ATXN2: variants seen among roughly 807,000 people sequenced by gnomAD.
ATXN2 encodes the protein ataxin 2.
Under a neutral mutation model 138.6 loss-of-function variants are expected in ATXN2, and 37 were observed. The ratio of observed to expected loss-of-function variants is 0.27; its 90% confidence interval spans 0.21 to 0.35. ATXN2 has a LOEUF of 0.35. Ranked by LOEUF, ATXN2 falls within the 10% of genes least tolerant of loss-of-function variation. The pLI is 1.00. For missense variants in ATXN2, 1,216 were observed against 1,480.3 expected (o/e 0.82, Z 2.93); for synonymous variants, 549 against 543.7 (o/e 1.01, Z -0.13).
At chr12:111,579,846 C>T (rs748365841) in intron 1 of ATXN2, among the ~76,000 whole-genome samples, 5 of 151,510 alleles carry the variant, frequency 3.3e-5, no homozygotes, top group Admixed American at 2.0e-4. Flanking sequence ...ATTACAGGAG[C>T]GCGCCACCGT....
At chr12:111,515,882 G>C (rs1470717849) in intron 10 of ATXN2, among the ~76,000 whole-genome samples, 1 of 152,192 alleles carries the variant, frequency 6.6e-6, no homozygotes, top group Non-Finnish European at 1.5e-5. Flanking sequence ...AGGCTGTGGG[G>C]CAGACCCTTC....
Position 111,526,297 on chromosome 12 carries a change from A to G in ATXN2, c.572-981T>C, listed in dbSNP as rs533815996. ...TTTGAACCCGGGAGGTGGAGGTTGC[A>G]ATGAATGGAGATCACGCCACTGTGC... On this transcript the variant is annotated intron_variant, in intron 5 of 24. Transcript: ENST00000673436. Among the ~76,000 whole-genome samples the G allele has an allele frequency of 3.0e-3, 458 of 151,974 alleles. 1 individual carries two copies. The highest frequency in any genetic ancestry group is 5.2e-3 in the Non-Finnish European group (355 of 67,950).
At chr12:111,547,834 G>GA (rs1168277498) in intron 5 of ATXN2, among the ~76,000 whole-genome samples, 1 of 130,654 alleles carries the variant, frequency 7.7e-6, no homozygotes, top group Non-Finnish European at 1.6e-5. Context: ...TATTGCTTGA[G>GA]AATTTTTTTT....
rs1566090879 is a variant in ATXN2 at position 111,598,953 on chromosome 12, G to A, written c.82C>T (p.Gln28Ter). ...QQQQQQQQQQ[Q>*]PPPAAANVRK... ...ACATTGGCAGCCGCGGGCGGCGGCTGCTGCTGCTGCTGCTGCTGCTGCTGT... is the reference window on the plus strand; with the variant it reads ...ACATTGGCAGCCGCGGGCGGCGGCTACTGCTGCTGCTGCTGCTGCTGCTGT... The change falls in exon 1 of 25, where the codon CAG (glutamine) becomes TAG (stop). Residue 28 changes from glutamine (Q) to a stop codon, truncating the protein, a stop_gained. Coordinates refer to ENST00000673436, the MANE Select transcript of ATXN2 (RefSeq NM_001372574.1). LOFTEE classifies it high-confidence loss of function. This position sits in a 1 kb window ranked among gnomAD's most constrained non-coding sequence, Gnocchi z 4.5. 5 of 552,698 alleles carry A rather than the reference G, an allele frequency of 9.0e-6. No individual in the cohort carries two copies. Among genetic ancestry groups the A allele is most frequent in the South Asian group, 8.4e-5 (3 of 35,628 alleles). 34.2% of individuals were successfully genotyped at this position (552,698 alleles called of 1,614,324 possible).
intron 5 of ATXN2, among the ~76,000 whole-genome samples, chr12:111,528,213 G>A (rs7301374): frequency 0.1 from 15,313 of 152,128 alleles, 2,579 homozygotes; most frequent in African/African-American, 0.35. Context: ...ATTAAAGCTC[G>A]AAGCAGCTAG....
chr12:111,484,186 G>A (rs765510780), intron 18 of ATXN2, among the ~76,000 whole-genome samples: 1 of 151,964 alleles, frequency 6.6e-6, no homozygotes, highest in Non-Finnish European at 1.5e-5. Flanking sequence ...TATATATAAA[G>A]CAAGGTTAGC....
At chr12:111,551,274 G>GT (rs1882103164) in intron 5 of ATXN2, among the ~76,000 whole-genome samples, 1 of 150,564 alleles carries the variant, frequency 6.6e-6, no homozygotes, top group African/African-American at 2.5e-5. Context: ...TCCACCCAGG[G>GT]GACAGAACAA....
At position 111,537,611 on chromosome 12, in the gene ATXN2, A is replaced by G. The variant is rs1378596779; in HGVS notation, c.572-12295T>C. 6.6e-5 allele frequency among the ~76,000 whole-genome samples: 10 copies of G among 151,550 alleles called. No individual in the cohort carries two copies. The East Asian group carries it at 7.8e-4, about 12-fold the overall frequency. On this transcript the variant is annotated intron_variant, in intron 5 of 24. Coordinates refer to ENST00000673436, the MANE Select transcript of ATXN2 (RefSeq NM_001372574.1). ...AAAAAAAAAGAAAAAAAAAGGCTATATATTATATGATTCCATTAATACGCA... is the reference window on the plus strand; with the variant it reads ...AAAAAAAAAGAAAAAAAAAGGCTATGTATTATATGATTCCATTAATACGCA...
At chr12:111,577,428 G>C (rs2135823624) in intron 1 of ATXN2, among the ~76,000 whole-genome samples, 1 of 151,854 alleles carries the variant, frequency 6.6e-6, no homozygotes, top group East Asian at 2.0e-4. Context: ...ACCACACCCG[G>C]TTAATTTTTA....
chr12:111,598,117 G>T lies in ATXN2; in HGVS notation c.251+667C>A. The T allele has an allele frequency of 9.0e-7, 1 of 1,108,506 alleles. No individual in the cohort carries two copies. Among genetic ancestry groups the T allele is most frequent in the Non-Finnish European group, 1.1e-6 (1 of 897,806 alleles). 68.7% of individuals were successfully genotyped at this position (1,108,506 alleles called of 1,614,324 possible). A position where few individuals can be genotyped will look rare whatever the true frequency, so the allele number is the denominator to read the frequency against. On this transcript the variant is annotated intron_variant, in intron 1 of 24. Coordinates refer to ENST00000673436, the MANE Select transcript of ATXN2 (RefSeq NM_001372574.1). This position sits in a 1 kb window ranked among gnomAD's most constrained non-coding sequence, Gnocchi z 4.5. ...GAGCCCCACGATTTCAGGGGAGTTC[G>T]GGAGCCCCCGCCGCCGCCTCGGACA...
chr12:111,452,717 C>A lies in ATXN2; in HGVS notation c.*95G>T, dbSNP rs10661. 4 of 1,347,570 alleles carry A rather than the reference C, an allele frequency of 3.0e-6. No homozygotes were observed. The highest frequency in any genetic ancestry group is 2.1e-6 in the Non-Finnish European group (2 of 940,584). The allele number at this position is 1,347,570 out of a possible 1,614,324, so 83.5% of individuals were successfully genotyped here. On this transcript the variant is annotated 3_prime_UTR_variant, in exon 25 of 25. Transcript: ENST00000673436. ...GAAATCAACATATATATTTTAAAAA[C>A]AAAATAAATGAAATTCTAGTTTTCT...
chr12:111,533,156 G>A (rs1468113319), intron 5 of ATXN2, among the ~76,000 whole-genome samples: 1 of 152,232 alleles, frequency 6.6e-6, no homozygotes, highest in East Asian at 1.9e-4. Flanking sequence ...CAACGCCGTG[G>A]AGGTGAAAGG....
At chr12:111,521,935 T>G (rs1880180040) in intron 6 of ATXN2, among the ~76,000 whole-genome samples, 1 of 152,152 alleles carries the variant, frequency 6.6e-6, no homozygotes, top group African/African-American at 2.4e-5. Flanking sequence ...ATAATTATTC[T>G]CTAATGTTTC....
At chr12:111,574,006 T>C (rs1015273558) in intron 1 of ATXN2, among the ~76,000 whole-genome samples, 1 of 151,724 alleles carries the variant, frequency 6.6e-6, no homozygotes, top group African/African-American at 2.4e-5. Context: ...CTTACCATTT[T>C]AGATTGGGTT....
At chr12:111,549,398 T>G (rs1250654119) in intron 5 of ATXN2, among the ~76,000 whole-genome samples, 1 of 151,452 alleles carries the variant, frequency 6.6e-6, no homozygotes, top group Non-Finnish European at 1.5e-5. Flanking sequence ...TAGCAGGGCA[T>G]GGTGGTATGT....
chr12:111,482,351 C>T (rs911693709), intron 18 of ATXN2, among the ~76,000 whole-genome samples: 2 of 151,988 alleles, frequency 1.3e-5, no homozygotes, highest in African/African-American at 4.8e-5. Flanking sequence ...CCTGCCACCA[C>T]GCTCAGCTAA....
At chr12:111,521,432 A>G (rs1566040026) in intron 6 of ATXN2, among the ~76,000 whole-genome samples, 1 of 152,182 alleles carries the variant, frequency 6.6e-6, no homozygotes, top group Non-Finnish European at 1.5e-5. Flanking sequence ...AATACTTCCA[A>G]TGTTTGGGAG....
intron 11 of ATXN2, chr12:111,512,961 A>C (rs1268239184): frequency 5.9e-6 from 1 of 169,904 alleles, no homozygotes; most frequent in Non-Finnish European, 1.2e-5. Flanking sequence ...GCTGCTAAAA[A>C]GATAAGGAAA....
At chr12:111,476,982 T>C (rs1469738071) in intron 18 of ATXN2, among the ~76,000 whole-genome samples, 1 of 152,092 alleles carries the variant, frequency 6.6e-6, no homozygotes, top group Non-Finnish European at 1.5e-5. Context: ...TAAGGATATA[T>C]ACAAAGATCA....
Sources: allele counts gnomAD v4.1 joint callset (sites outside exome capture counted in the v4.1 genomes callset), GRCh38; gene constraint gnomAD v4.1.1; non-coding constraint Gnocchi (gnomAD v3.1); transcripts MANE v1.5; gene names NCBI Gene and HGNC (gene_info 2026-07-23, HGNC 2026-07-21).